PTPRG: variants seen among roughly 807,000 people sequenced by gnomAD.
The protein encoded by PTPRG is receptor-type tyrosine-protein phosphatase gamma.
Under a neutral mutation model 165.3 loss-of-function variants are expected in PTPRG, and 102 were observed. The ratio of observed to expected loss-of-function variants is 0.62; its 90% CI spans 0.53 to 0.73. The LOEUF is 0.73. Ranked by LOEUF, PTPRG falls within the 30% of genes least tolerant of loss-of-function variation. The pLI, the probability that PTPRG is intolerant of heterozygous loss-of-function variation, is 0.00. For synonymous variants in PTPRG, 675 were observed against 669.5 expected (o/e 1.01, Z -0.13); for missense variants, 1,866 against 1,861.4 (o/e 1.00, Z -0.05).
intron 2 of PTPRG, among the ~76,000 whole-genome samples, chr3:61,948,098 G>C (rs1025097970): frequency 1.3e-5 from 2 of 152,158 alleles, no homozygotes. Context: ...GTGGAGGCGG[G>C]TGGATCACCT....
At chr3:62,225,657 C>CTT (rs770451766) in intron 13 of PTPRG, among the ~76,000 whole-genome samples, 17 of 137,632 alleles carry the variant, frequency 1.2e-4, no homozygotes, top group African/African-American at 2.1e-4. Context: ...AGCAAAAAAC[C>CTT]TTTTTTTTTT....
chr3:61,844,802 C>T (rs1008023476), intron 2 of PTPRG, among the ~76,000 whole-genome samples: 3 of 152,086 alleles, frequency 2.0e-5, no homozygotes, highest in Admixed American at 6.5e-5. Flanking sequence ...CACACCTGGC[C>T]AGCATCTGTA....
At chr3:62,191,723 G>C in intron 9 of PTPRG, 70 bp downstream of exon 9, 1 of 1,445,936 alleles carries the variant, frequency 6.9e-7, no homozygotes, top group Non-Finnish European at 9.5e-7. Context: ...TCTCTGCCAG[G>C]CACTGCACAG....
intron 4 of PTPRG, among the ~76,000 whole-genome samples, chr3:62,026,149 A>C (rs547684111): frequency 2.0e-5 from 3 of 152,314 alleles, no homozygotes; most frequent in African/African-American, 4.8e-5. Context: ...AATAGCCATA[A>C]TGGAATTGAT....
At chr3:61,587,825 T>A (rs1251771634) in intron 1 of PTPRG, among the ~76,000 whole-genome samples, 1 of 152,030 alleles carries the variant, frequency 6.6e-6, no homozygotes, top group Non-Finnish European at 1.5e-5. Context: ...TCCAGCTAGT[T>A]TTTAAAATTT....
At chr3:61,623,600 A>G (rs1236658123) in intron 1 of PTPRG, among the ~76,000 whole-genome samples, 1 of 152,178 alleles carries the variant, frequency 6.6e-6, no homozygotes, top group African/African-American at 2.4e-5. Context: ...TAGCTTTGCA[A>G]CAGACTAGAG....
intron 4 of PTPRG, among the ~76,000 whole-genome samples, chr3:62,037,711 T>A (rs1699993733): frequency 6.6e-6 from 1 of 152,160 alleles, no homozygotes; most frequent in Non-Finnish European, 1.5e-5. Context: ...ATGGCTTAAA[T>A]AAGAAATTAA....
At chr3:61,680,215 C>G (rs1454561888) in intron 1 of PTPRG, among the ~76,000 whole-genome samples, 2 of 152,052 alleles carry the variant, frequency 1.3e-5, no homozygotes, top group Non-Finnish European at 2.9e-5. Context: ...TAACAGTGCC[C>G]CCTTTCACTC....
chr3:61,973,060 A>G lies in PTPRG; in HGVS notation c.191-16565A>G, dbSNP rs551135236. Among the ~76,000 whole-genome samples the G allele has an allele frequency of 1.3e-3, 195 of 152,304 alleles. 2 individuals carry two copies. Among genetic ancestry groups the G allele is most frequent in the African/African-American group, 4.5e-3 (185 of 41,572 alleles). On this transcript the variant is annotated intron_variant, in intron 2 of 29. Transcript: ENST00000474889. ...TAAATGAAAACAAGCTGTCCTGCCG[A>G]GACACTTGAAAGGTCTAAATTTCCC...
chr3:61,871,578 C>T (rs1467079771), intron 2 of PTPRG, among the ~76,000 whole-genome samples: 2 of 152,138 alleles, frequency 1.3e-5, no homozygotes, highest in East Asian at 3.8e-4. Context: ...AGTTCATCCT[C>T]TGGGCCCTGT....
intron 2 of PTPRG, among the ~76,000 whole-genome samples, chr3:61,834,185 A>C (rs1239725895): frequency 6.6e-6 from 1 of 152,156 alleles, no homozygotes; most frequent in African/African-American, 2.4e-5. Context: ...GCCTCTCCTG[A>C]GTCATTTCTT....
Position 62,297,520 on chromosome 3 carries a change from G to C in PTPRG, c.*4213G>C, listed in dbSNP as rs1703104865. ...CCTGAAATTTTTCCCTTTTTCTTCT[G>C]TTTAAACTATATCAAATCATTCTAT... On this transcript the variant is annotated 3_prime_UTR_variant, in exon 30 of 30. Coordinates refer to ENST00000474889, the MANE Select transcript of PTPRG (RefSeq NM_002841.4). 1 of 147,300 alleles carries C rather than the reference G, an allele frequency of 6.8e-6. No homozygotes were observed. The highest frequency in any genetic ancestry group is 1.5e-5 in the Non-Finnish European group (1 of 66,762). The allele number at this position is 147,300 out of a possible 1,614,324, so 9.1% of individuals were successfully genotyped here.
chr3:61,855,105 C>G (rs1030336329), intron 2 of PTPRG, among the ~76,000 whole-genome samples: 1 of 152,140 alleles, frequency 6.6e-6, no homozygotes, highest in Admixed American at 6.5e-5. Flanking sequence ...ACAAGCCTTT[C>G]CCTTGCCTGT....
At chr3:61,791,283 AT>A (rs1266973015) in intron 2 of PTPRG, among the ~76,000 whole-genome samples, 6 of 152,100 alleles carry the variant, frequency 3.9e-5, no homozygotes, top group Admixed American at 1.3e-4. Flanking sequence ...TGTTTCTTAG[AT>A]TTGTCATTTA....
At chr3:62,042,983 C>T (rs724374) in intron 4 of PTPRG, among the ~76,000 whole-genome samples, 64,678 of 151,902 alleles carry the variant, frequency 0.43, 14,518 homozygotes, top group Middle Eastern at 0.53. Context: ...ATTAAGCACA[C>T]GTAGTAAAAA....
At chr3:62,018,518 A>G (rs1392124478) in intron 4 of PTPRG, among the ~76,000 whole-genome samples, 2 of 152,158 alleles carry the variant, frequency 1.3e-5, no homozygotes, top group African/African-American at 4.8e-5. Context: ...CAATCCTCTA[A>G]ATGATTCGAA....
chr3:61,733,011 T>C (rs1293780798), intron 1 of PTPRG, among the ~76,000 whole-genome samples: 1 of 152,162 alleles, frequency 6.6e-6, no homozygotes, highest in Non-Finnish European at 1.5e-5. Flanking sequence ...TATTATAGTA[T>C]TTTTAGTGCC....
At chr3:62,168,844 T>C (rs974949761) in intron 8 of PTPRG, among the ~76,000 whole-genome samples, 2 of 152,130 alleles carry the variant, frequency 1.3e-5, no homozygotes, top group Non-Finnish European at 2.9e-5. Context: ...CCAGGAACAA[T>C]CAGGTCGCCC....
At chr3:62,157,327 C>A in intron 7 of PTPRG, 103 bp downstream of exon 7, 1 of 1,206,880 alleles carries the variant, frequency 8.3e-7, no homozygotes, top group South Asian at 1.7e-5. Flanking sequence ...TGTTCTTGAT[C>A]CTGTGCATAT....
Sources: gnomAD v4.1 joint callset for allele counts (sites outside exome capture counted in the v4.1 genomes callset) on GRCh38, gnomAD v4.1.1 for gene constraint, MANE v1.5 for transcripts, NCBI Gene and HGNC (gene_info 2026-07-23, HGNC 2026-07-21) for gene names.